EGLN1: variants seen among roughly 807,000 people sequenced by gnomAD.
The protein encoded by EGLN1 is egl-9 family hypoxia inducible factor 1.
In EGLN1, 17 loss-of-function variants were observed where a neutral mutation model predicts 38.3. That is an observed-to-expected ratio of 0.44 (90% confidence interval 0.30 to 0.67). The LOEUF is 0.67. Among genes scored for constraint, EGLN1 ranks in the 30% least tolerant of loss-of-function variants. The pLI, the probability that EGLN1 is intolerant of heterozygous loss-of-function variation, is 0.08. For synonymous variants in EGLN1, 283 were observed against 257.5 expected (o/e 1.10, Z -0.95); for missense variants, 477 against 603.3 (o/e 0.79, Z 2.19).
At chr1:231,390,225 T>C (rs1474624227) in intron 1 of EGLN1, among the ~76,000 whole-genome samples, 1 of 152,252 alleles carries the variant, frequency 6.6e-6, no homozygotes, top group Non-Finnish European at 1.5e-5. Context: ...CTAATGGCTG[T>C]GGACCTTGGG....
chr1:231,367,657 G>A (rs1220291085), intron 3 of EGLN1, 21 bp from the exon 4 acceptor site: 6 of 1,606,918 alleles, frequency 3.7e-6, no homozygotes, highest in Non-Finnish European at 5.1e-6. Context: ...ATTTAGAATA[G>A]GATAAGAATG....
At chr1:231,420,940 G>C in intron 1 of EGLN1, 58 bp downstream of exon 1, 18 of 1,613,534 alleles carry the variant, frequency 1.1e-5, no homozygotes, top group Non-Finnish European at 1.5e-5. Flanking sequence ...TTCAGTCGCA[G>C]GCAGGGGCTG....
intron 1 of EGLN1, among the ~76,000 whole-genome samples, chr1:231,409,541 A>G (rs562775032): frequency 2.0e-5 from 3 of 152,268 alleles, no homozygotes; most frequent in African/African-American, 7.2e-5. Context: ...CATCTCCCCC[A>G]TCAGACAGGC....
At chr1:231,388,000 T>C (rs149723234) in intron 1 of EGLN1, among the ~76,000 whole-genome samples, 113 of 152,346 alleles carry the variant, frequency 7.4e-4, no homozygotes, top group Non-Finnish European at 1.4e-3. Flanking sequence ...GCTCATCTGA[T>C]CAATATCATT....
chr1:231,386,108 G>A (rs149404915), intron 1 of EGLN1, among the ~76,000 whole-genome samples: 179 of 119,724 alleles, frequency 1.5e-3, no homozygotes, highest in African/African-American at 4.5e-3. Flanking sequence ...GAACCACCAT[G>A]CCCGGCTGGT....
intron 1 of EGLN1, among the ~76,000 whole-genome samples, chr1:231,381,440 T>C (rs987619901): frequency 2.0e-5 from 3 of 152,176 alleles, no homozygotes; most frequent in Non-Finnish European, 4.4e-5. Flanking sequence ...TGAAAGATTA[T>C]TGAAGAAGAA....
chr1:231,388,151 C>T (rs1277845971), intron 1 of EGLN1, among the ~76,000 whole-genome samples: 5 of 151,942 alleles, frequency 3.3e-5, no homozygotes, highest in Non-Finnish European at 7.4e-5. Flanking sequence ...GATTGATGGG[C>T]CATAAAACAA....
At chr1:231,397,200 C>G (rs970716235) in intron 1 of EGLN1, among the ~76,000 whole-genome samples, 1 of 152,194 alleles carries the variant, frequency 6.6e-6, no homozygotes, top group Non-Finnish European at 1.5e-5. Flanking sequence ...CTAAGAGGTT[C>G]GCTACAAACA....
rs540308901 is a variant in EGLN1, at chr1:231,374,197, A to G, written c.892-98T>C. 1,112 of 1,029,804 alleles carry G rather than the reference A, an allele frequency of 1.1e-3. 1 individual carries two copies. The highest frequency in any genetic ancestry group is 1.4e-3 in the Non-Finnish European group (948 of 669,928). The allele number at this position is 1,029,804 out of a possible 1,614,324, so 63.8% of individuals were successfully genotyped here. A position where few individuals can be genotyped will look rare whatever the true frequency, so the allele number is the denominator to read the frequency against. On this transcript the variant is annotated intron_variant, in intron 1 of 4. Coordinates refer to ENST00000366641, the MANE Select transcript of EGLN1 (RefSeq NM_022051.3). ...CTCTGATTTTTGGCTACTGATTTACACTTAGATTCTTCTAATAAAAATAAT... is the reference window on the plus strand; with the variant it reads ...CTCTGATTTTTGGCTACTGATTTACGCTTAGATTCTTCTAATAAAAATAAT...
At chr1:231,372,947 G>A (rs1171795838) in intron 2 of EGLN1, among the ~76,000 whole-genome samples, 1 of 152,060 alleles carries the variant, frequency 6.6e-6, no homozygotes, top group African/African-American at 2.4e-5. Flanking sequence ...ACACAGGTAT[G>A]TTCACTTTGT....
intron 1 of EGLN1, among the ~76,000 whole-genome samples, chr1:231,394,424 G>C (rs1311756932): frequency 6.8e-6 from 1 of 147,970 alleles, no homozygotes; most frequent in East Asian, 2.0e-4. Flanking sequence ...TGTTGCCCAG[G>C]TTGGAGTGCA....
chr1:231,398,643 A>C (rs2790879), intron 1 of EGLN1, among the ~76,000 whole-genome samples: 91,439 of 151,500 alleles, frequency 0.6, 27,813 homozygotes, highest in Non-Finnish European at 0.65. Context: ...ATCTCCTAAT[A>C]TCCACTCTGG....
Position 231,366,269 on chromosome 1 carries a change from GCAACA to G in EGLN1, c.*137_*141del. On this transcript the variant is annotated 3_prime_UTR_variant, in exon 5 of 5. Coordinates refer to ENST00000366641, the MANE Select transcript of EGLN1 (RefSeq NM_022051.3). Reference sequence around the variant, plus strand: ...CAGCAGTCAAAATCTTCTGTTTGATGCAACACAAAAAGTTGTTTCTGTTTCCTTAT... The same window carrying G: ...CAGCAGTCAAAATCTTCTGTTTGATGCAAAAAGTTGTTTCTGTTTCCTTAT... 1.2e-6 allele frequency: 1 copy of G among 836,864 alleles called. No homozygotes were observed. The highest frequency in any genetic ancestry group is 2.0e-6 in the Non-Finnish European group (1 of 506,996). The allele number at this position is 836,864 out of a possible 1,614,324, so 51.8% of individuals were successfully genotyped here. A position where few individuals can be genotyped will look rare whatever the true frequency, so the allele number is the denominator to read the frequency against.
chr1:231,390,790 T>C (rs1688346302), intron 1 of EGLN1, among the ~76,000 whole-genome samples: 1 of 152,208 alleles, frequency 6.6e-6, no homozygotes, highest in African/African-American at 2.4e-5. Flanking sequence ...GCTCCACTAC[T>C]TCTAAATGAT....
At chr1:231,404,224 C>T (rs1009508075) in intron 1 of EGLN1, among the ~76,000 whole-genome samples, 4 of 152,068 alleles carry the variant, frequency 2.6e-5, no homozygotes, top group African/African-American at 9.7e-5. Context: ...TTACTACGAG[C>T]ACAATTACTA....
At chr1:231,383,180 T>G (rs947331357) in intron 1 of EGLN1, among the ~76,000 whole-genome samples, 27 of 152,126 alleles carry the variant, frequency 1.8e-4, no homozygotes, top group East Asian at 5.8e-4. Context: ...TAAATTTTTT[T>G]TGTGTGTGGC....
At chr1:231,416,403 ATAAG>A (rs1392754096) in intron 1 of EGLN1, among the ~76,000 whole-genome samples, 3 of 151,696 alleles carry the variant, frequency 2.0e-5, no homozygotes, top group Admixed American at 2.0e-4. Context: ...TAGGTAGTAG[ATAAG>A]TAAAGAGTTA....
In EGLN1 at chr1:231,421,901, G is replaced by T. The variant is rs767744500; in HGVS notation, c.-13C>A. ...TGTCATTGGCCATGGCGGCGGCGGC[G>T]GCGGCGACGGCGACTGCGGCGGCCG... On this transcript the variant is annotated 5_prime_UTR_variant, in exon 1 of 5. Transcript: ENST00000366641. The surrounding 1 kb of genome is among the most constrained non-coding windows in gnomAD (Gnocchi z 5.5). 9.4e-5 allele frequency: 132 copies of T among 1,402,206 alleles called. 3 individuals are homozygous for T. In the South Asian group the frequency reaches 1.5e-3, roughly 16 times the overall value. 86.9% of individuals were successfully genotyped at this position (1,402,206 alleles called of 1,614,324 possible). A position where few individuals can be genotyped will look rare whatever the true frequency, so the allele number is the denominator to read the frequency against.
chr1:231,386,737 A>G (rs1303369236), intron 1 of EGLN1, among the ~76,000 whole-genome samples: 1 of 152,246 alleles, frequency 6.6e-6, no homozygotes, highest in Non-Finnish European at 1.5e-5. Flanking sequence ...GAGAGAACAG[A>G]GATGATAGAT....
Sources: gnomAD v4.1 joint callset for allele counts (sites outside exome capture counted in the v4.1 genomes callset) on GRCh38, gnomAD v4.1.1 for gene constraint, Gnocchi (gnomAD v3.1) non-coding constraint, MANE v1.5 for transcripts, NCBI Gene and HGNC (gene_info 2026-07-23, HGNC 2026-07-21) for gene names.